The following ZFAND1 variants were observed in gnomAD, a reference collection of about 807,000 sequenced individuals.
ZFAND1 encodes AN1-type zinc finger protein 1.
In ZFAND1, 40 loss-of-function variants were observed where a neutral mutation model predicts 38.5. That is an observed-to-expected ratio of 1.04 (90% CI 0.81 to 1.35). The LOEUF is 1.35. Among genes scored for constraint, ZFAND1 ranks in the 40% most tolerant of loss-of-function variants. ZFAND1 has a pLI of 0.00. For synonymous variants in ZFAND1, 117 were observed against 103.6 expected, an observed-to-expected ratio of 1.13 and a Z score of -0.78; for missense variants, 346 against 316.3, an observed-to-expected ratio of 1.09 and a Z score of -0.71.
intron 6 of ZFAND1, among the ~76,000 whole-genome samples, chr8:81,706,862 G>A (rs1449876140): frequency 6.6e-6 from 1 of 151,856 alleles, no homozygotes; most frequent in East Asian, 1.9e-4. Flanking sequence ...TAGAAGTGGG[G>A]AAAATATTCT....
chr8:81,713,487 G>T (rs1265085146), intron 6 of ZFAND1, among the ~76,000 whole-genome samples: 2 of 151,876 alleles, frequency 1.3e-5, no homozygotes, highest in Non-Finnish European at 2.9e-5. Context: ...CTGTGTTAAG[G>T]TATGTATGTA....
At position 81,711,685 on chromosome 8, in the gene ZFAND1, T is replaced by A. The variant is rs1426682572; in HGVS notation, c.480+2233A>T. On this transcript the variant is annotated intron_variant, in intron 6 of 7. Coordinates refer to ENST00000220669, the MANE Select transcript of ZFAND1 (RefSeq NM_024699.3). ...AATATTAAGGAAGAAGCAGAATGACTAAAGACACATAAAGATTCTGAAGTA... is the reference window on the plus strand; with the variant it reads ...AATATTAAGGAAGAAGCAGAATGACAAAAGACACATAAAGATTCTGAAGTA... Among the ~76,000 whole-genome samples the A allele has an allele frequency of 2.0e-5, 3 of 152,128 alleles. No homozygotes were observed. The South Asian group carries it at 6.2e-4, about 31-fold the overall frequency.
intron 6 of ZFAND1, among the ~76,000 whole-genome samples, chr8:81,713,692 GA>G (rs1230724883): frequency 1.3e-5 from 2 of 149,472 alleles, no homozygotes; most frequent in Non-Finnish European, 3.0e-5. Flanking sequence ...TCCCAAGTGG[GA>G]AAAAAAAAGA....
intron 1 of ZFAND1, among the ~76,000 whole-genome samples, chr8:81,718,484 CTTTT>C (rs954825320): frequency 6.6e-5 from 10 of 151,738 alleles, no homozygotes; most frequent in Admixed American, 1.3e-4. Flanking sequence ...TTTTCTTTTT[CTTTT>C]TTGTTTTGTT....
chr8:81,710,978 G>A (rs937429357), intron 6 of ZFAND1, among the ~76,000 whole-genome samples: 2 of 152,074 alleles, frequency 1.3e-5, no homozygotes, highest in Non-Finnish European at 2.9e-5. Context: ...AGCAAACACA[G>A]CAAAATATAA....
At position 81,703,032 on chromosome 8, in the gene ZFAND1, CT is replaced by C; in HGVS notation, c.572del (p.Lys191ArgfsTer3). 1 of 1,580,536 alleles carries C rather than the reference CT, an allele frequency of 6.3e-7. No homozygotes were observed. Among genetic ancestry groups the C allele is most frequent in the Non-Finnish European group, 8.6e-7 (1 of 1,159,472 alleles). On this transcript the variant is annotated frameshift_variant, in exon 7 of 8. Coordinates refer to ENST00000220669, the MANE Select transcript of ZFAND1 (RefSeq NM_024699.3). LOFTEE classifies it high-confidence loss of function. ...MFFCHRWSIG[K>X]AIDFAASLAR... is the part of the protein sequence containing the mutation. ...CTAGAGAAGCGGCAAAGTCTATGGC[CT>C]TTCCAATGCTCCATCGGTGGCAAAA...
intron 6 of ZFAND1, among the ~76,000 whole-genome samples, chr8:81,704,315 T>C (rs1417401348): frequency 1.3e-5 from 2 of 152,006 alleles, no homozygotes; most frequent in Non-Finnish European, 2.9e-5. Flanking sequence ...GGCAGGCAAA[T>C]TGTTTCAGCC....
intron 6 of ZFAND1, among the ~76,000 whole-genome samples, chr8:81,710,753 G>A (rs73284909): frequency 0.011 from 1,622 of 152,160 alleles, 23 homozygotes; most frequent in African/African-American, 0.036. Flanking sequence ...TAGGGTTAAA[G>A]GCAAAATTCA....
rs1469728038 is a variant in ZFAND1, at chr8:81,721,238, C to T, written c.44G>A (p.Cys15Tyr). 1.3e-6 allele frequency: 2 copies of T among 1,548,890 alleles called. No individual in the cohort carries two copies. Among genetic ancestry groups the T allele is most frequent in the Non-Finnish European group, 1.7e-6 (2 of 1,147,068 alleles). The change falls in exon 1 of 8, where the codon TGC (cysteine) becomes TAC (tyrosine). Residue 15 changes from cysteine to tyrosine, a missense_variant. Physicochemically the swap from Cys to Tyr is radical, Grantham distance 194. Coordinates refer to ENST00000220669, the MANE Select transcript of ZFAND1 (RefSeq NM_024699.3). ...AGCTCCCGGATCACCTCGCTGCCGG[C>T]AATGCTCCACCTGGCAGTGCTGCCC... ...DIGQHCQVEH[C>Y]RQRDFLPFVC...
chr8:81,718,064 A>G (rs754377717), intron 2 of ZFAND1, 118 bp downstream of exon 2: 4 of 791,244 alleles, frequency 5.1e-6, no homozygotes, highest in Non-Finnish European at 7.7e-6. Flanking sequence ...ACTATACTGA[A>G]TATCAATAAT....
intron 1 of ZFAND1, among the ~76,000 whole-genome samples, chr8:81,718,774 T>G (rs956746317): frequency 2.0e-5 from 3 of 150,654 alleles, no homozygotes; most frequent in Admixed American, 2.0e-4. Context: ...TATATTTATA[T>G]ATACACCTAT....
At chr8:81,703,770 C>T (rs1807883177) in intron 6 of ZFAND1, among the ~76,000 whole-genome samples, 1 of 152,094 alleles carries the variant, frequency 6.6e-6, no homozygotes, top group South Asian at 2.1e-4. Flanking sequence ...GAGTTGCCTA[C>T]AGCAAACCCC....
At chr8:81,712,880 T>A (rs925593367) in intron 6 of ZFAND1, among the ~76,000 whole-genome samples, 1 of 151,996 alleles carries the variant, frequency 6.6e-6, no homozygotes. Flanking sequence ...AAGGAATAAA[T>A]GGCCAAAAAT....
At chr8:81,710,899 G>A (rs576684130) in intron 6 of ZFAND1, among the ~76,000 whole-genome samples, 2 of 152,258 alleles carry the variant, frequency 1.3e-5, no homozygotes, top group Non-Finnish European at 2.9e-5. Flanking sequence ...GATAAATCAA[G>A]TGGACAAAAA....
At chr8:81,703,214 G>C in intron 6 of ZFAND1, 90 bp from the exon 7 acceptor site, 1 of 905,194 alleles carries the variant, frequency 1.1e-6, no homozygotes, top group Non-Finnish European at 1.6e-6. Flanking sequence ...CTTCTGGTCA[G>C]AGCAGAATTA....
At chr8:81,707,882 C>T (rs1808028339) in intron 6 of ZFAND1, among the ~76,000 whole-genome samples, 2 of 152,044 alleles carry the variant, frequency 1.3e-5, no homozygotes, top group African/African-American at 2.4e-5. Context: ...ACTACCTAAA[C>T]AACTGGAAGA....
intron 6 of ZFAND1, 152 bp from the exon 7 acceptor site, chr8:81,703,276 C>T: frequency 1.9e-6 from 1 of 513,148 alleles, no homozygotes; most frequent in Non-Finnish European, 3.2e-6. Flanking sequence ...TAGCCAAAAA[C>T]ACACATAAAT....
intron 6 of ZFAND1, among the ~76,000 whole-genome samples, chr8:81,713,264 A>G (rs1249479681): frequency 2.9e-3 from 85 of 29,404 alleles, no homozygotes; most frequent in Middle Eastern, 0.032. Context: ...CTGGGACTAC[A>G]GGCGCCCACC....
In ZFAND1 at chr8:81,703,092, A is replaced by G. The variant is rs758653588; in HGVS notation, c.513T>C (p.Pro171=). ...TERIYFQVFL[P]KGSKEKSKPM... ...GTTTGCTCTTCTCTTTGCTCCCTTT[A>G]GGTAAGAAAACCTGAAAGTAAATTC... The change falls in exon 7 of 8, where the codon CCT becomes CCC. Residue 171 remains proline (P), a synonymous_variant. Transcript: ENST00000220669. 9 of 1,538,260 alleles carry G rather than the reference A, an allele frequency of 5.9e-6. No homozygotes were observed. The highest frequency in any genetic ancestry group is 2.3e-5 in the East Asian group (1 of 43,354).
Sources: gnomAD v4.1 joint callset for allele counts (sites outside exome capture counted in the v4.1 genomes callset) on GRCh38, gnomAD v4.1.1 for gene constraint, MANE v1.5 for transcripts, NCBI Gene and HGNC (gene_info 2026-07-23, HGNC 2026-07-21) for gene names.